Variants in UBXN7 observed in about 807,000 individuals in gnomAD.
UBXN7 encodes the protein UBX domain protein 7.
A neutral mutation model predicts 58.0 loss-of-function variants in UBXN7; 9 were observed. That is an observed-to-expected ratio of 0.16 (90% confidence interval 0.09 to 0.27). UBXN7 has a LOEUF of 0.27. Among genes scored for constraint, UBXN7 ranks in the 10% least tolerant of loss-of-function variants. UBXN7 has a pLI of 1.00. For missense variants in UBXN7, 328 were observed against 599.6 expected, an observed-to-expected ratio of 0.55 and a Z score of 4.73; for synonymous variants, 208 against 205.0, an observed-to-expected ratio of 1.01 and a Z score of -0.12.
At chr3:196,401,864 A>AGAGAAGAGAAGAGAAGAGAAGAG (rs1560235923) in intron 3 of UBXN7, among the ~76,000 whole-genome samples, 3 of 151,236 alleles carry the variant, frequency 2.0e-5, no homozygotes, top group Non-Finnish European at 4.4e-5. Flanking sequence ...AGAGAAGAAA[A>AGAGAAGAGAAGAGAAGAGAAGAG]ACTACCTATT....
chr3:196,405,293 A>G (rs1421080331), intron 2 of UBXN7, among the ~76,000 whole-genome samples: 4 of 151,832 alleles, frequency 2.6e-5, no homozygotes, highest in African/African-American at 9.7e-5. Context: ...AACGTGGTGC[A>G]ACCCCATGTC....
At chr3:196,376,877 C>A (rs1358687039) in intron 5 of UBXN7, among the ~76,000 whole-genome samples, 1 of 151,824 alleles carries the variant, frequency 6.6e-6, no homozygotes, top group Admixed American at 6.6e-5. Context: ...AAAACCTCAT[C>A]TCTACAAAAA....
In UBXN7 at chr3:196,362,285, G is replaced by A. The variant is rs772641708; in HGVS notation, c.1228+9C>T. ...AGTTTGAAGTAAAGTATGTCTAAATGTAACTTACCATTTACATCTATCCCC... is the reference window on the plus strand; with the variant it reads ...AGTTTGAAGTAAAGTATGTCTAAATATAACTTACCATTTACATCTATCCCC... On this transcript the variant is annotated intron_variant, in intron 9 of 10. Coordinates refer to ENST00000296328, the MANE Select transcript of UBXN7 (RefSeq NM_015562.2). 1.2e-5 allele frequency: 19 copies of A among 1,581,032 alleles called. No homozygotes were observed. The highest frequency in any genetic ancestry group is 2.7e-5 in the African/African-American group (2 of 73,490).
chr3:196,404,192 T>C (rs1006717924), intron 2 of UBXN7, among the ~76,000 whole-genome samples: 1 of 152,090 alleles, frequency 6.6e-6, no homozygotes, highest in African/African-American at 2.4e-5. Context: ...CCTAATTCAT[T>C]ATCTTCCTGC....
chr3:196,377,237 G>A (rs913226515), intron 5 of UBXN7, among the ~76,000 whole-genome samples: 1 of 152,076 alleles, frequency 6.6e-6, no homozygotes, highest in East Asian at 1.9e-4. Flanking sequence ...AGAGGAAAAC[G>A]TAGGAAACAT....
intron 3 of UBXN7, among the ~76,000 whole-genome samples, chr3:196,398,374 AATTC>A (rs1314498960): frequency 6.6e-6 from 1 of 152,208 alleles, no homozygotes; most frequent in Non-Finnish European, 1.5e-5. Flanking sequence ...TATCTAATAC[AATTC>A]ATCTCGCAGT....
intron 5 of UBXN7, 103 bp from the exon 6 acceptor site, chr3:196,372,145 T>C (rs1728851573): frequency 1.5e-6 from 2 of 1,328,428 alleles, no homozygotes; most frequent in East Asian, 2.5e-5. Flanking sequence ...AAATACTAAG[T>C]TTTTGCCAGA....
rs777707231 is a variant in UBXN7, at chr3:196,362,398, G to A, written c.1124C>T (p.Pro375Leu). 3 of 1,614,082 alleles carry A rather than the reference G, an allele frequency of 1.9e-6. No homozygotes were observed. ...TCCTTGGTGGTTTGTGGCTGTTCCA[G>A]GATCAGTTCTGACTGGTGGCTCAGT... ...PLTEPPVRTD[P>L]GTATNHQGLP... Residue 375 changes from proline to leucine, a missense_variant, in exon 9 of 11, where the codon CCT (proline) becomes CTT (leucine). This residue lies in a region of UBXN7 where 66 missense variants were observed against 77.9 expected (regional missense o/e 0.85). Coordinates refer to ENST00000296328, the MANE Select transcript of UBXN7 (RefSeq NM_015562.2).
chr3:196,372,262 C>A (rs111502807), intron 5 of UBXN7, among the ~76,000 whole-genome samples: 1 of 147,102 alleles, frequency 6.8e-6, no homozygotes, highest in African/African-American at 2.5e-5. Flanking sequence ...TAAATGAACT[C>A]ATTTCTCTTT....
chr3:196,423,864 T>A (rs906235283), intron 1 of UBXN7, among the ~76,000 whole-genome samples: 14 of 151,838 alleles, frequency 9.2e-5, no homozygotes, highest in Admixed American at 1.3e-4. Flanking sequence ...AGACTAATTA[T>A]TCCATTTACA....
intron 1 of UBXN7, among the ~76,000 whole-genome samples, chr3:196,430,534 G>A (rs1274545467): frequency 1.3e-5 from 2 of 151,796 alleles, no homozygotes; most frequent in African/African-American, 2.4e-5. Flanking sequence ...ACTACATGTC[G>A]GTGCCACTAC....
intron 8 of UBXN7, 50 bp from the exon 9 acceptor site, chr3:196,362,737 A>G (rs772036242): frequency 6.5e-7 from 1 of 1,539,884 alleles, no homozygotes; most frequent in Admixed American, 2.1e-5. Flanking sequence ...TTAAACCAAA[A>G]AACAAGTCAA....
chr3:196,353,005 T>A lies in UBXN7; in HGVS notation c.*3680A>T, dbSNP rs1322327605. 3 of 152,228 alleles carry A rather than the reference T, an allele frequency of 2.0e-5. No homozygotes were observed. In the East Asian group the frequency reaches 5.8e-4, roughly 29 times the overall value. 9.4% of individuals were successfully genotyped at this position (152,228 alleles called of 1,614,324 possible). A position where few individuals can be genotyped will look rare whatever the true frequency, so the allele number is the denominator to read the frequency against. ...TCACATCTTCACCAGTGCATCATTT[T>A]AAAAAAGCAATAATCAGCCTCTCAA... On this transcript the variant is annotated 3_prime_UTR_variant, in exon 11 of 11. Coordinates refer to ENST00000296328, the MANE Select transcript of UBXN7 (RefSeq NM_015562.2).
chr3:196,373,773 G>A (rs1212101391), intron 5 of UBXN7, among the ~76,000 whole-genome samples: 1 of 152,100 alleles, frequency 6.6e-6, no homozygotes, highest in Non-Finnish European at 1.5e-5. Flanking sequence ...AGCCAGGCTG[G>A]TTTGGAACAC....
Position 196,407,458 on chromosome 3 carries a change from A to C in UBXN7, c.74-65T>G. ...AAAAAAAAAGACAGCCTCTTTCTTC[A>C]GCTCATATTAGAATTCCCAAGTAAA... On this transcript the variant is annotated intron_variant, in intron 1 of 10. Coordinates refer to ENST00000296328, the MANE Select transcript of UBXN7 (RefSeq NM_015562.2). 3 of 1,527,048 alleles carry C rather than the reference A, an allele frequency of 2.0e-6. No individual in the cohort carries two copies. The East Asian group carries it at 6.8e-5, about 35-fold the overall frequency. 94.6% of individuals were successfully genotyped at this position (1,527,048 alleles called of 1,614,324 possible).
At chr3:196,390,024 C>T (rs1465046305) in intron 5 of UBXN7, among the ~76,000 whole-genome samples, 2 of 151,988 alleles carry the variant, frequency 1.3e-5, no homozygotes, top group Non-Finnish European at 2.9e-5. Flanking sequence ...TTGAGACCAG[C>T]CTGGGGAACA....
At chr3:196,386,380 T>TA (rs34268326) in intron 5 of UBXN7, among the ~76,000 whole-genome samples, 592 of 57,692 alleles carry the variant, frequency 0.01, 1 homozygote, top group Middle Eastern at 0.014. Flanking sequence ...TAATAAACAC[T>TA]AAAAAAAAAA....
intron 1 of UBXN7, among the ~76,000 whole-genome samples, chr3:196,416,877 TAGA>T (rs978625990): frequency 8.5e-5 from 13 of 152,286 alleles, no homozygotes; most frequent in Admixed American, 2.0e-4. Context: ...GGTGTTGATT[TAGA>T]AGAAGAGGGA....
chr3:196,407,525 G>C, intron 1 of UBXN7, 132 bp from the exon 2 acceptor site: 1 of 1,278,962 alleles, frequency 7.8e-7, no homozygotes, highest in South Asian at 1.7e-5. Context: ...ACTTTCTTGT[G>C]AAATACACAG....
Sources: allele counts gnomAD v4.1 joint callset (sites outside exome capture counted in the v4.1 genomes callset), GRCh38; gene constraint gnomAD v4.1.1; regional missense constraint gnomAD v4.1.1; transcripts MANE v1.5; gene names NCBI Gene and HGNC (gene_info 2026-07-23, HGNC 2026-07-21).